The following IGSF21 variants were observed in gnomAD, a reference collection of about 807,000 sequenced individuals.
The protein encoded by IGSF21 is immunoglobulin superfamily member 21.
A neutral mutation model predicts 46.8 loss-of-function variants in IGSF21; 28 were observed. The observed-to-expected ratio is 0.60, with a 90% CI of 0.44 to 0.82. The LOEUF is 0.82. IGSF21 is among the 40% of genes least tolerant of loss of function. The pLI is 0.00. For missense variants in IGSF21, 624 were observed against 665.5 expected (o/e 0.94, Z 0.69); for synonymous variants, 284 against 273.6 (o/e 1.04, Z -0.38).
At chr1:18,122,592 G>T (rs1481234951) in intron 1 of IGSF21, among the ~76,000 whole-genome samples, 2 of 150,926 alleles carry the variant, frequency 1.3e-5, no homozygotes, top group African/African-American at 4.9e-5. Context: ...AATAATGTAT[G>T]GGTTTGTTGT....
intron 2 of IGSF21, among the ~76,000 whole-genome samples, chr1:18,274,553 T>G (rs1387450756): frequency 6.6e-6 from 1 of 152,278 alleles, no homozygotes; most frequent in Non-Finnish European, 1.5e-5. Flanking sequence ...TTCATTCATT[T>G]CTGGATTGTC....
At chr1:18,291,504 C>T (rs1233351618) in intron 2 of IGSF21, among the ~76,000 whole-genome samples, 19 of 152,230 alleles carry the variant, frequency 1.2e-4, no homozygotes, top group Non-Finnish European at 2.9e-5. Context: ...TGTGGAGACC[C>T]TCCATGATCT....
At chr1:18,186,891 G>A (rs9725451) in intron 1 of IGSF21, among the ~76,000 whole-genome samples, 4,607 of 152,080 alleles carry the variant, frequency 0.03, 88 homozygotes, top group Non-Finnish European at 0.045. Flanking sequence ...ACTGATGGAG[G>A]CCTTCCTGGC....
At chr1:18,237,729 G>A (rs189282316) in intron 2 of IGSF21, among the ~76,000 whole-genome samples, 8 of 152,136 alleles carry the variant, frequency 5.3e-5, no homozygotes, top group East Asian at 1.9e-4. Flanking sequence ...CATCTCTTGC[G>A]GAGTTTTATT....
Position 18,164,796 on chromosome 1 carries a change from A to G in IGSF21, c.70+56598A>G, listed in dbSNP as rs150160458. Among the ~76,000 whole-genome samples the G allele has an allele frequency of 4.1e-3, 629 of 151,882 alleles. 3 individuals are homozygous for G. The highest frequency in any genetic ancestry group is 0.014 in the African/African-American group (593 of 41,430). ...CATGTGCACAATGTGCAGGTTTGTT[A>G]CATATGTATACATGTACCATGTTGG... On this transcript the variant is annotated intron_variant, in intron 1 of 9. Coordinates refer to ENST00000251296, the MANE Select transcript of IGSF21 (RefSeq NM_032880.5).
intron 2 of IGSF21, among the ~76,000 whole-genome samples, chr1:18,246,039 G>T (rs768494847): frequency 1.3e-5 from 2 of 152,210 alleles, no homozygotes; most frequent in Non-Finnish European, 2.9e-5. Flanking sequence ...GGCCTTGAAT[G>T]GTCCAGCTCT....
At chr1:18,324,322 T>C (rs574463251) in intron 3 of IGSF21, among the ~76,000 whole-genome samples, 46 of 152,330 alleles carry the variant, frequency 3.0e-4, no homozygotes, top group Non-Finnish European at 5.7e-4. Context: ...CCTTGACTCA[T>C]TAAGACTTCT....
At chr1:18,196,424 T>C (rs185607780) in intron 1 of IGSF21, among the ~76,000 whole-genome samples, 5 of 152,266 alleles carry the variant, frequency 3.3e-5, no homozygotes. Context: ...GCAGGGCGCG[T>C]CTGCAGAATC....
chr1:18,285,246 G>A (rs947913130), intron 2 of IGSF21, among the ~76,000 whole-genome samples: 65 of 151,296 alleles, frequency 4.3e-4, no homozygotes, highest in South Asian at 1.3e-3. Context: ...TGAGGCAGCC[G>A]AAGTTGGAGA....
intron 3 of IGSF21, among the ~76,000 whole-genome samples, chr1:18,293,139 G>A (rs1447024812): frequency 1.3e-5 from 2 of 152,170 alleles, no homozygotes; most frequent in African/African-American, 4.8e-5. Context: ...ACGGGCTGTG[G>A]GTCTCTGTGA....
chr1:18,239,090 C>T (rs537757603), intron 2 of IGSF21, among the ~76,000 whole-genome samples: 2 of 152,262 alleles, frequency 1.3e-5, no homozygotes, highest in South Asian at 2.1e-4. Context: ...ACTGTTGGGG[C>T]CTCCGAGCAC....
At chr1:18,164,512 T>C (rs938057087) in intron 1 of IGSF21, among the ~76,000 whole-genome samples, 1 of 152,086 alleles carries the variant, frequency 6.6e-6, no homozygotes, top group South Asian at 2.1e-4. Flanking sequence ...CCCAGCAATG[T>C]TGGAGAGCCT....
chr1:18,205,642 A>G (rs931177549), intron 1 of IGSF21, among the ~76,000 whole-genome samples: 1 of 152,206 alleles, frequency 6.6e-6, no homozygotes, highest in South Asian at 2.1e-4. Flanking sequence ...CAAGCGTTTG[A>G]TTTTAAGCTC....
At position 18,244,879 on chromosome 1, in the gene IGSF21, T is replaced by A. The variant is rs560602005; in HGVS notation, c.183+16869T>A. ...CATTTTTAAGGTAGAAAAATGTATATCCTGGAACCAGATCACTTGGATTCA... is the reference window on the plus strand; with the variant it reads ...CATTTTTAAGGTAGAAAAATGTATAACCTGGAACCAGATCACTTGGATTCA... On this transcript the variant is annotated intron_variant, in intron 2 of 9. Coordinates refer to ENST00000251296, the MANE Select transcript of IGSF21 (RefSeq NM_032880.5). Among the ~76,000 whole-genome samples, 13 of 152,338 alleles carry A rather than the reference T, an allele frequency of 8.5e-5. No homozygotes were observed. In the East Asian group the frequency reaches 2.5e-3, roughly 29 times the overall value.
chr1:18,145,757 A>G (rs9729212), intron 1 of IGSF21, among the ~76,000 whole-genome samples: 16,609 of 152,152 alleles, frequency 0.11, 1,565 homozygotes, highest in African/African-American at 0.26. Context: ...AGGAATGCGC[A>G]GGGCACCTGC....
Position 18,378,241 on chromosome 1 carries a change from T to C in IGSF21, c.1334-15T>C. The C allele has an allele frequency of 6.2e-7, 1 of 1,613,274 alleles. No individual in the cohort carries two copies. Among genetic ancestry groups the C allele is most frequent in the Non-Finnish European group, 8.5e-7 (1 of 1,179,298 alleles). On this transcript the variant is annotated splice_polypyrimidine_tract_variant and intron_variant, in intron 9 of 9. Transcript: ENST00000251296. ...GGTCTGCAGGCTCTGACCCTTTCCC[T>C]GATTCCTGGCACAGGTTCCATTGGC...
At position 18,335,285 on chromosome 1, in the gene IGSF21, A is replaced by T. The variant is rs1230687242; in HGVS notation, c.424+275A>T. Among the ~76,000 whole-genome samples the T allele has an allele frequency of 6.6e-6, 1 of 152,182 alleles. No individual in the cohort carries two copies. The highest frequency in any genetic ancestry group is 1.5e-5 in the Non-Finnish European group (1 of 68,032). ...CAGGACCCTCCCCAGGGAGTGAAGG[A>T]TAGCACCTCAGCCGAGATGCACACC... On this transcript the variant is annotated intron_variant, in intron 4 of 9. Transcript: ENST00000251296. The surrounding 1 kb of genome is among the most constrained non-coding windows in gnomAD (Gnocchi z 4.8).
At chr1:18,227,763 G>A (rs1316190935) in intron 1 of IGSF21, 135 bp from the exon 2 acceptor site, 1 of 665,848 alleles carries the variant, frequency 1.5e-6, no homozygotes, top group Non-Finnish European at 2.8e-6. Context: ...AGTGTGAACA[G>A]CGTCCCTCAA....
intron 2 of IGSF21, among the ~76,000 whole-genome samples, chr1:18,273,677 G>T (rs991896905): frequency 7.1e-6 from 1 of 140,530 alleles, no homozygotes; most frequent in Non-Finnish European, 1.6e-5. Context: ...GCCAGGTAAA[G>T]ATTTTTTTTT....
Sources: allele counts gnomAD v4.1 joint callset (sites outside exome capture counted in the v4.1 genomes callset), GRCh38; gene constraint gnomAD v4.1.1; non-coding constraint Gnocchi (gnomAD v3.1); transcripts MANE v1.5; gene names NCBI Gene and HGNC (gene_info 2026-07-23, HGNC 2026-07-21).